DDX10: variants seen among roughly 807,000 people sequenced by gnomAD.
DDX10 encodes probable ATP-dependent RNA helicase DDX10.
In DDX10, 74 loss-of-function variants were observed where a neutral mutation model predicts 104.3. The ratio of observed to expected loss-of-function variants is 0.71; its 90% CI spans 0.59 to 0.86. The LOEUF (loss-of-function observed/expected upper bound fraction) is 0.86. Among genes scored for constraint, DDX10 ranks in the 40% least tolerant of loss-of-function variants. DDX10 has a pLI of 0.00. For synonymous variants in DDX10, 351 were observed against 353.4 expected (o/e 0.99, Z 0.08); for missense variants, 952 against 1,040.0 (o/e 0.92, Z 1.16).
intron 16 of DDX10, among the ~76,000 whole-genome samples, chr11:108,905,527 TG>T (rs1322827212): frequency 2.0e-5 from 3 of 152,212 alleles, no homozygotes; most frequent in Non-Finnish European, 4.4e-5. Flanking sequence ...AAATGCATAG[TG>T]ATGTATCCAT....
intron 16 of DDX10, among the ~76,000 whole-genome samples, chr11:108,871,482 A>AG (rs1229602783): frequency 6.6e-6 from 1 of 152,094 alleles, no homozygotes; most frequent in Non-Finnish European, 1.5e-5. Flanking sequence ...AGCATACTCT[A>AG]CTGGTCACCC....
At chr11:108,864,409 A>C (rs1862980231) in intron 16 of DDX10, among the ~76,000 whole-genome samples, 1 of 151,494 alleles carries the variant, frequency 6.6e-6, no homozygotes, top group African/African-American at 2.4e-5. Context: ...ATCCATATAT[A>C]GAATAAACTT....
intron 16 of DDX10, among the ~76,000 whole-genome samples, chr11:108,853,338 T>C (rs1279461806): frequency 6.6e-6 from 1 of 152,194 alleles, no homozygotes; most frequent in Non-Finnish European, 1.5e-5. Context: ...TTTATGAATA[T>C]TGCATGTTCA....
At position 108,822,961 on chromosome 11, in the gene DDX10, T is replaced by G. The variant is rs1257032328; in HGVS notation, c.1966-15485T>G. 2.0e-5 allele frequency among the ~76,000 whole-genome samples: 3 copies of G among 152,194 alleles called. No homozygotes were observed. In the East Asian group the frequency reaches 5.8e-4, roughly 29 times the overall value. On this transcript the variant is annotated intron_variant, in intron 13 of 17. Coordinates refer to ENST00000322536, the MANE Select transcript of DDX10 (RefSeq NM_004398.4). The stretch of plus-strand genomic sequence containing the variant: ...ATGGTGTCAAGGTAGGAGCACAGAC[T>G]AGGTTTTTGGAGGGTTTGGAGTTCC...
At chr11:108,876,145 A>G in intron 16 of DDX10, among the ~76,000 whole-genome samples, 1 of 152,334 alleles carries the variant, frequency 6.6e-6, no homozygotes, top group Non-Finnish European at 1.5e-5. Context: ...AAACAGTAAT[A>G]TCACATGATA....
chr11:108,844,903 A>G (rs956178553), intron 15 of DDX10, among the ~76,000 whole-genome samples: 3 of 152,114 alleles, frequency 2.0e-5, no homozygotes, highest in Non-Finnish European at 2.9e-5. Context: ...CTTGATGAAA[A>G]GAGTTTCTTC....
intron 13 of DDX10, among the ~76,000 whole-genome samples, chr11:108,811,437 G>T (rs577826409): frequency 4.7e-4 from 71 of 152,270 alleles, no homozygotes; most frequent in Admixed American, 1.6e-3. Flanking sequence ...CAGCCTTCAT[G>T]ATACCTCCTC....
chr11:108,832,930 C>G (rs1862492170), intron 13 of DDX10, among the ~76,000 whole-genome samples: 1 of 152,160 alleles, frequency 6.6e-6, no homozygotes, highest in Non-Finnish European at 1.5e-5. Context: ...TGGAAGGATA[C>G]AGAAGCTGCT....
chr11:108,851,492 G>C (rs1862792151), intron 15 of DDX10, among the ~76,000 whole-genome samples: 1 of 152,004 alleles, frequency 6.6e-6, no homozygotes, highest in Non-Finnish European at 1.5e-5. Flanking sequence ...TAATTTCGTG[G>C]CAGAACGTCT....
chr11:108,665,350 C>A lies in DDX10; in HGVS notation c.186+11C>A. The A allele has an allele frequency of 6.4e-7, 1 of 1,557,952 alleles. No individual in the cohort carries two copies. The highest frequency in any genetic ancestry group is 1.9e-5 in the Admixed American group (1 of 51,890). ...CAGAACTATGAAAAGGTGAGGCCGG[C>A]GCTGGGGAGGGGGCTCGGGCCGGCC... is the stretch of plus-strand genomic sequence containing the variant. On this transcript the variant is annotated intron_variant, in intron 1 of 17. Coordinates refer to ENST00000322536, the MANE Select transcript of DDX10 (RefSeq NM_004398.4).
chr11:108,723,624 G>T (rs2094301617), intron 13 of DDX10, among the ~76,000 whole-genome samples, 162 bp downstream of exon 13: 1 of 152,108 alleles, frequency 6.6e-6, no homozygotes, highest in Non-Finnish European at 1.5e-5. Flanking sequence ...CAGAATAAGT[G>T]CCAATGAATT....
chr11:108,723,109 C>A lies in DDX10; in HGVS notation c.1612C>A (p.Pro538Thr), dbSNP rs199986269. The A allele has an allele frequency of 4.0e-5, 64 of 1,613,690 alleles. No homozygotes were observed. The highest frequency in any genetic ancestry group is 1.0e-5 in the Non-Finnish European group (12 of 1,179,882). Reference sequence around the variant, plus strand: ...CGATAAAGTAATTGAGCCAAGGGCTCCCTCCCTCACCAATGACGAAGTGGA... The same window carrying A: ...CGATAAAGTAATTGAGCCAAGGGCTACCTCCCTCACCAATGACGAAGTGGA... ...QADKVIEPRA[P>T]SLTNDEVEEF... The change falls in exon 13 of 18, where the codon CCC becomes ACC. Residue 538 changes from proline (P) to threonine (T), a missense_variant. Transcript: ENST00000322536.
intron 13 of DDX10, among the ~76,000 whole-genome samples, chr11:108,758,596 A>C (rs1434386399): frequency 6.6e-6 from 1 of 152,034 alleles, no homozygotes; most frequent in African/African-American, 2.4e-5. Context: ...GAGGCTCTAG[A>C]GGTGTTACCC....
intron 9 of DDX10, among the ~76,000 whole-genome samples, chr11:108,704,978 G>C (rs1325291275): frequency 6.6e-6 from 1 of 152,124 alleles, no homozygotes; most frequent in African/African-American, 2.4e-5. Context: ...TTTAGATGTT[G>C]GTTTCTCCAG....
At chr11:108,743,014 ACCT>A (rs974600002) in intron 13 of DDX10, among the ~76,000 whole-genome samples, 8 of 152,148 alleles carry the variant, frequency 5.3e-5, no homozygotes, top group African/African-American at 1.7e-4. Context: ...AGGAGAAGGG[ACCT>A]CCTCCTGAAT....
At chr11:108,705,320 A>G (rs184859535) in intron 9 of DDX10, among the ~76,000 whole-genome samples, 4 of 152,262 alleles carry the variant, frequency 2.6e-5, no homozygotes, top group Admixed American at 2.6e-4. Context: ...TGGATGGTTT[A>G]GTCCAATACT....
chr11:108,749,780 A>G (rs2094336183), intron 13 of DDX10, among the ~76,000 whole-genome samples: 1 of 152,192 alleles, frequency 6.6e-6, no homozygotes, highest in Non-Finnish European at 1.5e-5. Flanking sequence ...AAGTAGAATT[A>G]TTTGCAAACA....
At chr11:108,839,355 A>AGC (rs1862605129) in intron 14 of DDX10, among the ~76,000 whole-genome samples, 1 of 152,142 alleles carries the variant, frequency 6.6e-6, no homozygotes, top group African/African-American at 2.4e-5. Context: ...TTTTCTTGAC[A>AGC]GCACTTACTT....
At chr11:108,749,572 A>T (rs572439771) in intron 13 of DDX10, among the ~76,000 whole-genome samples, 1 of 152,270 alleles carries the variant, frequency 6.6e-6, no homozygotes, top group South Asian at 2.1e-4. Context: ...CGCTTCTTAG[A>T]GGTGTCATTG....
Sources: allele counts gnomAD v4.1 joint callset (sites outside exome capture counted in the v4.1 genomes callset), GRCh38; gene constraint gnomAD v4.1.1; transcripts MANE v1.5; gene names NCBI Gene and HGNC (gene_info 2026-07-23, HGNC 2026-07-21).